LHPP: variants seen among roughly 807,000 people sequenced by gnomAD.
LHPP encodes phospholysine phosphohistidine inorganic pyrophosphate phosphatase.
A neutral mutation model predicts 30.3 loss-of-function variants in LHPP; 24 were observed. The observed-to-expected ratio is 0.79, with a 90% CI of 0.57 to 1.11. LHPP has a LOEUF of 1.11. LHPP is among the 50% of genes most tolerant of loss of function. The pLI, the probability that LHPP is intolerant of heterozygous loss-of-function variation, is 0.00. For synonymous variants in LHPP, 150 were observed against 157.1 expected, an observed-to-expected ratio of 0.95 and a Z score of 0.34; for missense variants, 356 against 367.2, an observed-to-expected ratio of 0.97 and a Z score of 0.25.
chr10:124,489,382 T>C (rs1478024086), intron 3 of LHPP, among the ~76,000 whole-genome samples: 1 of 152,232 alleles, frequency 6.6e-6, no homozygotes, highest in Non-Finnish European at 1.5e-5. Flanking sequence ...CACCAAACAA[T>C]ATTTGTGACT....
intron 6 of LHPP, among the ~76,000 whole-genome samples, chr10:124,529,571 T>C (rs993679418): frequency 2.0e-5 from 3 of 152,062 alleles, no homozygotes; most frequent in Non-Finnish European, 2.9e-5. Context: ...CAAAAATTTG[T>C]GCAGAGGAGT....
rs533601291 is a variant in LHPP at position 124,485,214 on chromosome 10, C to G, written c.313+888C>G. ...AATCATGTTTCTCAAAATTCCTTCT[C>G]TGTAATCTAGGATCCCTGCTAGTGC... On this transcript the variant is annotated intron_variant, in intron 2 of 6. Transcript: ENST00000368842. 3.3e-5 allele frequency among the ~76,000 whole-genome samples: 5 copies of G among 152,156 alleles called. No homozygotes were observed. In the South Asian group the frequency reaches 1.0e-3, roughly 32 times the overall value.
intron 6 of LHPP, among the ~76,000 whole-genome samples, chr10:124,579,651 A>C (rs1589689883): frequency 6.6e-6 from 1 of 152,270 alleles, no homozygotes; most frequent in Non-Finnish European, 1.5e-5. Flanking sequence ...TAATATGGTC[A>C]CCTTGGGGAG....
At chr10:124,539,665 A>AGTAGAGG (rs1955131013) in intron 6 of LHPP, among the ~76,000 whole-genome samples, 1 of 151,280 alleles carries the variant, frequency 6.6e-6, no homozygotes, top group Non-Finnish European at 1.5e-5. Context: ...GAACCTGGGA[A>AGTAGAGG]GTAGAGGTTG....
intron 1 of LHPP, among the ~76,000 whole-genome samples, chr10:124,474,748 C>T (rs1294461157): frequency 3.3e-5 from 5 of 151,504 alleles, no homozygotes; most frequent in East Asian, 1.9e-4. Context: ...CGTTGGGGCT[C>T]GGTGGAGGAG....
chr10:124,557,465 CTTTG>C (rs1054871316), intron 6 of LHPP, among the ~76,000 whole-genome samples: 6 of 152,316 alleles, frequency 3.9e-5, no homozygotes, highest in East Asian at 1.9e-4. Flanking sequence ...CACTAGCCCC[CTTTG>C]TTTGTGTTTG....
At chr10:124,518,936 T>TTTTTTG (rs952644734) in intron 6 of LHPP, among the ~76,000 whole-genome samples, 6 of 152,146 alleles carry the variant, frequency 3.9e-5, no homozygotes, top group Admixed American at 6.5e-5. Flanking sequence ...GAAACTCTGT[T>TTTTTTG]TTTTTGTTTT....
At chr10:124,495,586 G>A (rs949521438) in intron 3 of LHPP, among the ~76,000 whole-genome samples, 1 of 152,176 alleles carries the variant, frequency 6.6e-6, no homozygotes, top group African/African-American at 2.4e-5. Flanking sequence ...GTGCCCAGGA[G>A]TGGCGGAGCT....
chr10:124,489,275 G>C (rs1039902190), intron 3 of LHPP, among the ~76,000 whole-genome samples: 1 of 152,194 alleles, frequency 6.6e-6, no homozygotes, highest in Non-Finnish European at 1.5e-5. Context: ...GTATGTCCTT[G>C]CAAGTGGCTT....
rs554028005 is a variant in LHPP, at chr10:124,559,239, T to C, written c.716+41968T>C. The stretch of plus-strand genomic sequence containing the variant: ...GAGGACACTCTATGGGGGTGGCTTC[T>C]GGCAAAACAGTGCTATCTGAAGATG... On this transcript the variant is annotated intron_variant, in intron 6 of 6. Transcript: ENST00000368842. Among the ~76,000 whole-genome samples, 14 of 152,348 alleles carry C rather than the reference T, an allele frequency of 9.2e-5. No individual in the cohort carries two copies. The South Asian group carries it at 2.5e-3, about 27-fold the overall frequency.
At chr10:124,543,797 A>G (rs1364781730) in intron 6 of LHPP, among the ~76,000 whole-genome samples, 1 of 151,908 alleles carries the variant, frequency 6.6e-6, no homozygotes. Flanking sequence ...TTCTGATAAT[A>G]TAAGAAATGC....
At chr10:124,464,830 TTC>T (rs371506194) in intron 1 of LHPP, among the ~76,000 whole-genome samples, 56 of 152,324 alleles carry the variant, frequency 3.7e-4, no homozygotes, top group African/African-American at 1.3e-3. Context: ...GTGGTTCCAC[TTC>T]TGAGAATTTG....
chr10:124,542,774 C>T (rs186456339), intron 6 of LHPP, among the ~76,000 whole-genome samples: 8 of 152,318 alleles, frequency 5.3e-5, no homozygotes, highest in Non-Finnish European at 1.0e-4. Context: ...CGCCTCCTTG[C>T]CCCTACTCTC....
intron 6 of LHPP, chr10:124,526,291 C>T (rs1267469713): frequency 6.3e-6 from 6 of 952,250 alleles, no homozygotes; most frequent in African/African-American, 5.3e-5. Context: ...GGCCAGTGCT[C>T]ATGCTTACAC....
chr10:124,600,417 G>C (rs1034056323), intron 6 of LHPP, among the ~76,000 whole-genome samples: 53 of 152,392 alleles, frequency 3.5e-4, no homozygotes, highest in African/African-American at 1.3e-3. Flanking sequence ...TCACTGGCCA[G>C]AAACAGGGCT....
At chr10:124,522,725 C>CA (rs149860785) in intron 6 of LHPP, among the ~76,000 whole-genome samples, 11,251 of 148,654 alleles carry the variant, frequency 0.076, 648 homozygotes, top group South Asian at 0.25. Context: ...CTGCCCACGC[C>CA]CCCCCCCAAG....
At chr10:124,464,454 G>A (rs1039746201) in intron 1 of LHPP, among the ~76,000 whole-genome samples, 2 of 152,232 alleles carry the variant, frequency 1.3e-5, no homozygotes, top group South Asian at 4.1e-4. Context: ...GTGTTTGGGA[G>A]GCTGGGAACT....
rs780510243 is a variant in LHPP at position 124,481,373 on chromosome 10, C to CCTT, written c.126-2766_126-2765insCTT. 3.6e-3 allele frequency among the ~76,000 whole-genome samples: 302 copies of CCTT among 84,994 alleles called. 1 individual carries two copies. The highest frequency in any genetic ancestry group is 5.4e-3 in the Non-Finnish European group (242 of 45,040). The allele number at this position is 84,994 out of a possible 152,430, so 55.8% of individuals were successfully genotyped here. On this transcript the variant is annotated intron_variant, in intron 1 of 6. Coordinates refer to ENST00000368842, the MANE Select transcript of LHPP (RefSeq NM_022126.4). ...GAATCGTGCCTGGCTTATCTGCCCC[C>CCTT]TTTTTTTTTTTTTTTTTTTTTGCGA...
In LHPP at chr10:124,523,884, A is replaced by G. The variant is rs1954668373; in HGVS notation, c.716+6613A>G. 6.6e-6 allele frequency among the ~76,000 whole-genome samples: 1 copy of G among 152,180 alleles called. No individual in the cohort carries two copies. The highest frequency in any genetic ancestry group is 2.4e-5 in the African/African-American group (1 of 41,456). On this transcript the variant is annotated intron_variant, in intron 6 of 6. Transcript: ENST00000368842. This position sits in a 1 kb window ranked among gnomAD's most constrained non-coding sequence, Gnocchi z 4.2. ...AAATCCACTGTGCAATGAGTCCGTG[A>G]ATCCCAGACATCCTCTCAGCAGCCC...
Sources: gnomAD v4.1 joint callset for allele counts (sites outside exome capture counted in the v4.1 genomes callset) on GRCh38, gnomAD v4.1.1 for gene constraint, Gnocchi (gnomAD v3.1) non-coding constraint, MANE v1.5 for transcripts, NCBI Gene and HGNC (gene_info 2026-07-23, HGNC 2026-07-21) for gene names.